Variants in BCAT1 observed in about 807,000 individuals in gnomAD.
The protein encoded by BCAT1 is branched-chain-amino-acid aminotransferase, cytosolic.
In BCAT1, 48 loss-of-function variants were observed where a neutral mutation model predicts 52.4. That is an observed-to-expected ratio of 0.92 (90% CI 0.73 to 1.16). The LOEUF is 1.16. Ranked by LOEUF, BCAT1 falls within the 50% of genes most tolerant of loss-of-function variation. BCAT1 has a pLI of 0.00. For missense variants in BCAT1, 451 were observed against 457.1 expected, an observed-to-expected ratio of 0.99 and a Z score of 0.12; for synonymous variants, 167 against 161.3, an observed-to-expected ratio of 1.04 and a Z score of -0.27.
chr12:24,940,536 T>G (rs565334552), intron 1 of BCAT1, among the ~76,000 whole-genome samples: 15 of 152,314 alleles, frequency 9.8e-5, no homozygotes, highest in Admixed American at 7.8e-4. Flanking sequence ...TTATTGAATT[T>G]TTAAAAGCCA....
chr12:24,853,757 A>T (rs1389006868), intron 5 of BCAT1, among the ~76,000 whole-genome samples: 1 of 152,208 alleles, frequency 6.6e-6, no homozygotes, highest in African/African-American at 2.4e-5. Flanking sequence ...TATGGATGAC[A>T]ATAGCTGATG....
chr12:24,875,211 C>T (rs533891806), intron 5 of BCAT1, among the ~76,000 whole-genome samples: 33 of 152,262 alleles, frequency 2.2e-4, no homozygotes, highest in African/African-American at 7.7e-4. Context: ...GTAGCCACCA[C>T]GAAAACCTAA....
At position 24,824,273 on chromosome 12, in the gene BCAT1, TCCC is replaced by T. The variant is rs1400247619; in HGVS notation, c.1119+5547_1119+5549del. The stretch of plus-strand genomic sequence containing the variant: ...TTCCTTCCTTCCTTCCTTCATTCCC[TCCC>T]TCCCTCCCTCCCTCCCTCCCTCCCT... On this transcript the variant is annotated intron_variant, in intron 10 of 10. Transcript: ENST00000261192. 4.6e-3 allele frequency among the ~76,000 whole-genome samples: 659 copies of T among 144,662 alleles called. 22 individuals are homozygous for T. Among genetic ancestry groups the T allele is most frequent in the African/African-American group, 0.01 (397 of 39,232 alleles). The allele number at this position is 144,662 out of a possible 152,430, so 94.9% of individuals were successfully genotyped here. A position where few individuals can be genotyped will look rare whatever the true frequency, so the allele number is the denominator to read the frequency against.
chr12:24,870,037 G>T (rs1003881249), intron 5 of BCAT1, among the ~76,000 whole-genome samples: 1 of 151,602 alleles, frequency 6.6e-6, no homozygotes, highest in Non-Finnish European at 1.5e-5. Context: ...TTTCTGAAAG[G>T]GTATAAGAAA....
rs1173728646 is a variant in BCAT1 at position 24,811,494 on chromosome 12, A to G, written c.*6514T>C. 1 of 152,176 alleles carries G rather than the reference A, an allele frequency of 6.6e-6. No individual in the cohort carries two copies. The highest frequency in any genetic ancestry group is 1.5e-5 in the Non-Finnish European group (1 of 68,012). The allele number at this position is 152,176 out of a possible 1,614,324, so 9.4% of individuals were successfully genotyped here. On this transcript the variant is annotated 3_prime_UTR_variant, in exon 11 of 11. Coordinates refer to ENST00000261192, the MANE Select transcript of BCAT1 (RefSeq NM_005504.7). ...TTCCATGCCCTCTCAACATACAAAT[A>G]TAGAGTTCTTCACACCAGATGGCTC...
chr12:24,923,574 T>A (rs990653606), intron 1 of BCAT1, among the ~76,000 whole-genome samples: 1 of 152,146 alleles, frequency 6.6e-6, no homozygotes, highest in Non-Finnish European at 1.5e-5. Flanking sequence ...GCCTGGCTAA[T>A]TTTTTGTTTG....
intron 3 of BCAT1, among the ~76,000 whole-genome samples, chr12:24,883,624 T>A (rs4296116): frequency 0.84 from 127,989 of 152,134 alleles, 54,153 homozygotes; most frequent in East Asian, 1. Context: ...AAATTAAAAT[T>A]AAACTACCAT....
intron 1 of BCAT1, among the ~76,000 whole-genome samples, chr12:24,934,653 A>C (rs1943726723): frequency 6.6e-6 from 1 of 152,174 alleles, no homozygotes; most frequent in Non-Finnish European, 1.5e-5. Flanking sequence ...CCCAGGTTCA[A>C]GCAATTTTCC....
intron 10 of BCAT1, among the ~76,000 whole-genome samples, chr12:24,822,494 T>C (rs1940181749): frequency 6.6e-6 from 1 of 152,246 alleles, no homozygotes; most frequent in Admixed American, 6.5e-5. Context: ...TAATGAAATG[T>C]AAAACATGAT....
chr12:24,943,932 C>A (rs770225870), intron 1 of BCAT1, among the ~76,000 whole-genome samples: 2 of 151,356 alleles, frequency 1.3e-5, no homozygotes, highest in East Asian at 1.9e-4. Context: ...TGCAGTGAGC[C>A]GAGATCGCAC....
chr12:24,922,914 G>A (rs1199787978), intron 1 of BCAT1, among the ~76,000 whole-genome samples: 5 of 151,704 alleles, frequency 3.3e-5, no homozygotes, highest in African/African-American at 1.2e-4. Context: ...TCAGCAAAAG[G>A]AAAAGGCACA....
At chr12:24,851,960 C>G (rs1180156419) in intron 5 of BCAT1, among the ~76,000 whole-genome samples, 5 of 152,022 alleles carry the variant, frequency 3.3e-5, no homozygotes, top group African/African-American at 7.3e-5. Context: ...GTGTCCCTGC[C>G]CATATCTCAT....
At chr12:24,846,765 A>C (rs1320677760) in intron 6 of BCAT1, among the ~76,000 whole-genome samples, 2 of 152,214 alleles carry the variant, frequency 1.3e-5, no homozygotes, top group African/African-American at 4.8e-5. Flanking sequence ...GGGATGCCCA[A>C]AGAGAAATAC....
chr12:24,931,832 C>G lies in BCAT1; in HGVS notation c.6+17095G>C, dbSNP rs113043879. 6.6e-5 allele frequency among the ~76,000 whole-genome samples: 10 copies of G among 152,106 alleles called. No individual in the cohort carries two copies. The East Asian group carries it at 1.3e-3, about 20-fold the overall frequency. On this transcript the variant is annotated intron_variant, in intron 1 of 10. Coordinates refer to ENST00000261192, the MANE Select transcript of BCAT1 (RefSeq NM_005504.7). ...GTAAAGTAAAAAGGAGAACGCCACA[C>G]GATTCAGAAAACCGGGGATGTAACA...
At chr12:24,854,402 T>G (rs1228808188) in intron 5 of BCAT1, among the ~76,000 whole-genome samples, 1 of 152,200 alleles carries the variant, frequency 6.6e-6, no homozygotes, top group African/African-American at 2.4e-5. Flanking sequence ...TTTTTTTAAT[T>G]TGAAGAGTAG....
chr12:24,883,634 T>C (rs1942569440), intron 3 of BCAT1, among the ~76,000 whole-genome samples: 1 of 152,156 alleles, frequency 6.6e-6, no homozygotes, highest in Non-Finnish European at 1.5e-5. Context: ...TAAACTACCA[T>C]ATGCTTCAGC....
chr12:24,924,005 A>G (rs1943541321), intron 1 of BCAT1, among the ~76,000 whole-genome samples: 1 of 152,246 alleles, frequency 6.6e-6, no homozygotes, highest in Non-Finnish European at 1.5e-5. Flanking sequence ...GATTTTTCAC[A>G]GGTGGCTTTT....
intron 3 of BCAT1, among the ~76,000 whole-genome samples, chr12:24,889,358 A>G (rs1294781051): frequency 2.0e-5 from 3 of 152,170 alleles, no homozygotes; most frequent in East Asian, 1.9e-4. Flanking sequence ...TACATCCACC[A>G]TATCTCCCCA....
chr12:24,946,589 G>A (rs1943935799), intron 1 of BCAT1, among the ~76,000 whole-genome samples: 1 of 152,208 alleles, frequency 6.6e-6, no homozygotes, highest in South Asian at 2.1e-4. Context: ...CAGTTAGTCA[G>A]GAACAAAATG....
Sources: gnomAD v4.1 joint callset for allele counts (sites outside exome capture counted in the v4.1 genomes callset) on GRCh38, gnomAD v4.1.1 for gene constraint, MANE v1.5 for transcripts, NCBI Gene and HGNC (gene_info 2026-07-23, HGNC 2026-07-21) for gene names.